Variants in PAQR4 observed in about 807,000 individuals in gnomAD.
PAQR4 encodes the protein progestin and adipoQ receptor family member 4, also known as progestin and adipoQ receptor family member IV.
In PAQR4, 26 loss-of-function variants were observed where a neutral mutation model predicts 20.9. That is an observed-to-expected ratio of 1.24 (90% confidence interval 0.91 to 1.73). PAQR4 has a LOEUF of 1.73. Ranked by LOEUF, PAQR4 falls within the 40% of genes most tolerant of loss-of-function variation. The pLI, the probability that PAQR4 is intolerant of heterozygous loss-of-function variation, is 0.00. For synonymous variants in PAQR4, 193 were observed against 171.6 expected (o/e 1.12, Z -0.97); for missense variants, 400 against 380.1 (o/e 1.05, Z -0.44).
Position 2,973,481 on chromosome 16 carries a change from G to A in PAQR4, c.*1533G>A, listed in dbSNP as rs766130234. ...GATTTGAAATAAACTTTTAGTAAAT[G>A]TAAGCCTTTCTGGAACTTCTTGTCT... On this transcript the variant is annotated 3_prime_UTR_variant, in exon 3 of 3. Coordinates refer to ENST00000318782, the MANE Select transcript of PAQR4 (RefSeq NM_152341.5). 2 of 1,481,638 alleles carry A rather than the reference G, an allele frequency of 1.3e-6. No individual in the cohort carries two copies. The highest frequency in any genetic ancestry group is 2.5e-5 in the South Asian group (2 of 81,304). 91.8% of individuals were successfully genotyped at this position (1,481,638 alleles called of 1,614,324 possible). A position where few individuals can be genotyped will look rare whatever the true frequency, so the allele number is the denominator to read the frequency against.
Position 2,969,663 on chromosome 16 carries a change from G to T in PAQR4, c.-12G>T. 1 of 1,516,982 alleles carries T rather than the reference G, an allele frequency of 6.6e-7. No individual in the cohort carries two copies. The allele number at this position is 1,516,982 out of a possible 1,614,324, so 94.0% of individuals were successfully genotyped here. ...GACAGCAGGAGCACGGGCTGCCCGC[G>T]CGGTGCGGACCATGGCGTTCCTGGC... On this transcript the variant is annotated 5_prime_UTR_variant, in exon 1 of 3. Coordinates refer to ENST00000318782, the MANE Select transcript of PAQR4 (RefSeq NM_152341.5).
rs1342420799 is a variant in PAQR4 at position 2,971,390 on chromosome 16, C to CCCAAGGGATGGG, written c.388+13_388+24dup. On this transcript the variant is annotated intron_variant, in intron 2 of 2. Transcript: ENST00000318782. Reference sequence around the variant, plus strand: ...TGTCAACACCCTTGGTGAGTCAGGGCCCAAGGGATGGGAGCTGGAGCCACC... The same window carrying CCCAAGGGATGGG: ...TGTCAACACCCTTGGTGAGTCAGGGCCCAAGGGATGGGCCAAGGGATGGGAGCTGGAGCCACC... 1 of 1,604,140 alleles carries CCCAAGGGATGGG rather than the reference C, an allele frequency of 6.2e-7. No homozygotes were observed. The highest frequency in any genetic ancestry group is 1.3e-5 in the African/African-American group (1 of 75,016).
chr16:2,972,475 G>T lies in PAQR4; in HGVS notation c.*527G>T. 1.3e-6 allele frequency: 1 copy of T among 758,856 alleles called. No homozygotes were observed. The highest frequency in any genetic ancestry group is 2.1e-6 in the Non-Finnish European group (1 of 481,586). 47.0% of individuals were successfully genotyped at this position (758,856 alleles called of 1,614,324 possible). A position where few individuals can be genotyped will look rare whatever the true frequency, so the allele number is the denominator to read the frequency against. ...TTCAGGACAAAAGGACCAAGGGGGC[G>T]TGGACCCGTCTTGTACCAGCTGGCC... On this transcript the variant is annotated 3_prime_UTR_variant, in exon 3 of 3. Transcript: ENST00000318782.
Position 2,972,315 on chromosome 16 carries a change from C to T in PAQR4, c.*367C>T, listed in dbSNP as rs2072017873. On this transcript the variant is annotated 3_prime_UTR_variant, in exon 3 of 3. Transcript: ENST00000318782. ...GGCCGCCAGCCCAGAGCCTCCTCAC[C>T]CTATCCTGTTCCTCCCACCAGGCCT... is the stretch of plus-strand genomic sequence containing the variant. 3.9e-6 allele frequency: 2 copies of T among 517,690 alleles called. No homozygotes were observed. Among genetic ancestry groups the T allele is most frequent in the Non-Finnish European group, 6.9e-6 (2 of 291,640 alleles). The allele number at this position is 517,690 out of a possible 1,614,324, so 32.1% of individuals were successfully genotyped here. A position where few individuals can be genotyped will look rare whatever the true frequency, so the allele number is the denominator to read the frequency against.
intron 1 of PAQR4, 167 bp downstream of exon 1, chr16:2,970,007 T>G (rs2071937796): frequency 1.0e-6 from 1 of 953,410 alleles, no homozygotes; most frequent in Non-Finnish European, 1.5e-6. Flanking sequence ...CGGGCCGCGC[T>G]GCCAGCTTCC....
chr16:2,972,404 C>T lies in PAQR4; in HGVS notation c.*456C>T, dbSNP rs2072020644. 1.8e-6 allele frequency: 1 copy of T among 562,516 alleles called. No individual in the cohort carries two copies. The highest frequency in any genetic ancestry group is 3.0e-5 in the East Asian group (1 of 33,488). 34.8% of individuals were successfully genotyped at this position (562,516 alleles called of 1,614,324 possible). A position where few individuals can be genotyped will look rare whatever the true frequency, so the allele number is the denominator to read the frequency against. On this transcript the variant is annotated 3_prime_UTR_variant, in exon 3 of 3. Transcript: ENST00000318782. ...TACCAGCCCTCCCAGCAGCCACAAGCTTGCCCGCCCTGGCTCCCTCTGCCC... is the reference window on the plus strand; with the variant it reads ...TACCAGCCCTCCCAGCAGCCACAAGTTTGCCCGCCCTGGCTCCCTCTGCCC...
At position 2,972,093 on chromosome 16, in the gene PAQR4, T is replaced by C; in HGVS notation, c.*145T>C. ...GGAGCCCTGTTCACCCGTTCTTCCC[T>C]GTGGACTGACCTCTTCCACCCACGC... On this transcript the variant is annotated 3_prime_UTR_variant, in exon 3 of 3. Coordinates refer to ENST00000318782, the MANE Select transcript of PAQR4 (RefSeq NM_152341.5). 2 of 837,520 alleles carry C rather than the reference T, an allele frequency of 2.4e-6. No individual in the cohort carries two copies. The highest frequency in any genetic ancestry group is 1.8e-6 in the Non-Finnish European group (1 of 558,118). The allele number at this position is 837,520 out of a possible 1,614,324, so 51.9% of individuals were successfully genotyped here. A position where few individuals can be genotyped will look rare whatever the true frequency, so the allele number is the denominator to read the frequency against.
rs995863758 is a variant in PAQR4, at chr16:2,973,317, C to T, written c.*1369C>T. The T allele has an allele frequency of 1.8e-5, 28 of 1,517,560 alleles. No homozygotes were observed. The Admixed American group carries it at 4.8e-4, about 26-fold the overall frequency. 94.0% of individuals were successfully genotyped at this position (1,517,560 alleles called of 1,614,324 possible). A position where few individuals can be genotyped will look rare whatever the true frequency, so the allele number is the denominator to read the frequency against. On this transcript the variant is annotated 3_prime_UTR_variant, in exon 3 of 3. Coordinates refer to ENST00000318782, the MANE Select transcript of PAQR4 (RefSeq NM_152341.5). ...AGGCTCCAGGCTCCCGCCTGACAAA[C>T]AGGCAGGGAGCCACAGTCAGGGACA...
rs376908274 is a variant in PAQR4 at position 2,971,222 on chromosome 16, G to T, written c.232G>T (p.Asp78Tyr). Residue 78 changes from aspartate to tyrosine, a missense_variant, in exon 2 of 3, where the codon GAT becomes TAT. By Grantham distance (160) the Asp-to-Tyr change is radical. Coordinates refer to ENST00000318782, the MANE Select transcript of PAQR4 (RefSeq NM_152341.5). ...MTMPWGQLGKDGWLGGTHCVA... is the reference protein window; with the variant it reads ...MTMPWGQLGKYGWLGGTHCVA... ...CATGCCCTGGGGTCAGCTGGGCAAG[G>T]ATGGCTGGCTGGGAGGCACACATTG... The T allele has an allele frequency of 5.5e-5, 88 of 1,613,378 alleles. 1 individual carries two copies. The East Asian group carries it at 8.7e-4, about 16-fold the overall frequency.
Position 2,971,562 on chromosome 16 carries a change from C to G in PAQR4, c.436C>G (p.Arg146Gly). Residue 146 changes from arginine to glycine, a missense_variant, in exon 3 of 3, where the codon CGC becomes GGC. Physicochemically the swap from Arg to Gly is moderately radical, Grantham distance 125. Transcript: ENST00000318782. ...CACCCTGGCCTGCAGGCCCTGGCTG[C>G]GCCCGGCTGCCCTGGTGGGCTACAC... ...HCTLACRPWL[R>G]PAALVGYTVL... 6.3e-7 allele frequency: 1 copy of G among 1,596,364 alleles called. No homozygotes were observed. The highest frequency in any genetic ancestry group is 8.5e-7 in the Non-Finnish European group (1 of 1,177,110).
rs1363024545 is a variant in PAQR4, at chr16:2,972,642, T to A, written c.*694T>A. 2.2e-5 allele frequency: 34 copies of A among 1,535,568 alleles called. No homozygotes were observed. In the Admixed American group the frequency reaches 6.7e-4, roughly 30 times the overall value. On this transcript the variant is annotated 3_prime_UTR_variant, in exon 3 of 3. Transcript: ENST00000318782. ...ACAGCTCCAGGTACCCACCGGGGGA[T>A]GTGCCTGCTCAGGAAACCTCTTTGC...
chr16:2,971,133 G>C (rs1433062336), intron 1 of PAQR4, 24 bp from the exon 2 acceptor site: 3 of 1,608,776 alleles, frequency 1.9e-6, no homozygotes, highest in African/African-American at 2.7e-5. Flanking sequence ...AAACTATCTG[G>C]TAGATGACTG....
In PAQR4 at chr16:2,972,348, G is replaced by A. The variant is rs1452581806; in HGVS notation, c.*400G>A. On this transcript the variant is annotated 3_prime_UTR_variant, in exon 3 of 3. Coordinates refer to ENST00000318782, the MANE Select transcript of PAQR4 (RefSeq NM_152341.5). ...GTTCCTCCCACCAGGCCTGTGGCCAGTCTTCCTGATCTCCATCTTTCTGCC... is the reference window on the plus strand; with the variant it reads ...GTTCCTCCCACCAGGCCTGTGGCCAATCTTCCTGATCTCCATCTTTCTGCC... 1.9e-6 allele frequency: 1 copy of A among 527,812 alleles called. No homozygotes were observed. The highest frequency in any genetic ancestry group is 3.2e-5 in the East Asian group (1 of 31,518). The allele number at this position is 527,812 out of a possible 1,614,324, so 32.7% of individuals were successfully genotyped here. A position where few individuals can be genotyped will look rare whatever the true frequency, so the allele number is the denominator to read the frequency against.
rs776186871 is a variant in PAQR4 at position 2,971,731 on chromosome 16, C to A, written c.605C>A (p.Ser202Tyr). 1 of 1,612,540 alleles carries A rather than the reference C, an allele frequency of 6.2e-7. No individual in the cohort carries two copies. The highest frequency in any genetic ancestry group is 8.5e-7 in the Non-Finnish European group (1 of 1,179,754). ...GVGLGSGAPG[S>Y]LPCYLRMDAL... is the part of the protein sequence containing the mutation. ...GGTCTGGGTTCAGGGGCTCCAGGCT[C>A]CCTGCCCTGCTACCTGCGCATGGAC... Residue 202 changes from serine (S) to tyrosine (Y), a missense_variant, in exon 3 of 3, where the codon TCC (serine) becomes TAC (tyrosine). Coordinates refer to ENST00000318782, the MANE Select transcript of PAQR4 (RefSeq NM_152341.5).
chr16:2,971,130 C>G (rs1441442623), intron 1 of PAQR4, 27 bp from the exon 2 acceptor site: 4 of 1,606,482 alleles, frequency 2.5e-6, no homozygotes, highest in Non-Finnish European at 3.4e-6. Context: ...CTGAAACTAT[C>G]TGGTAGATGA....
In PAQR4 at chr16:2,972,097, G is replaced by A; in HGVS notation, c.*149G>A. The A allele has an allele frequency of 1.2e-6, 1 of 801,262 alleles. No homozygotes were observed. Among genetic ancestry groups the A allele is most frequent in the Non-Finnish European group, 1.9e-6 (1 of 526,866 alleles). 49.6% of individuals were successfully genotyped at this position (801,262 alleles called of 1,614,324 possible). A position where few individuals can be genotyped will look rare whatever the true frequency, so the allele number is the denominator to read the frequency against. ...CCCTGTTCACCCGTTCTTCCCTGTG[G>A]ACTGACCTCTTCCACCCACGCCGTG... On this transcript the variant is annotated 3_prime_UTR_variant, in exon 3 of 3. Transcript: ENST00000318782.
chr16:2,972,060 T>C lies in PAQR4; in HGVS notation c.*112T>C. ...TTGGATGCTTCCAGCTCATGAGATGTCTCAGCAGGAGCCCTGTTCACCCGT... is the reference window on the plus strand; with the variant it reads ...TTGGATGCTTCCAGCTCATGAGATGCCTCAGCAGGAGCCCTGTTCACCCGT... On this transcript the variant is annotated 3_prime_UTR_variant, in exon 3 of 3. Coordinates refer to ENST00000318782, the MANE Select transcript of PAQR4 (RefSeq NM_152341.5). 1 of 1,099,140 alleles carries C rather than the reference T, an allele frequency of 9.1e-7. No individual in the cohort carries two copies. The highest frequency in any genetic ancestry group is 1.3e-6 in the Non-Finnish European group (1 of 791,898). The allele number at this position is 1,099,140 out of a possible 1,614,324, so 68.1% of individuals were successfully genotyped here. A position where few individuals can be genotyped will look rare whatever the true frequency, so the allele number is the denominator to read the frequency against.
rs866156525 is a variant in PAQR4 at position 2,972,119 on chromosome 16, C to T, written c.*171C>T. 1.1e-4 allele frequency: 71 copies of T among 649,592 alleles called. No individual in the cohort carries two copies. The Admixed American group carries it at 1.4e-3, about 13-fold the overall frequency. 40.2% of individuals were successfully genotyped at this position (649,592 alleles called of 1,614,324 possible). On this transcript the variant is annotated 3_prime_UTR_variant, in exon 3 of 3. Transcript: ENST00000318782. ...GTGGACTGACCTCTTCCACCCACGC[C>T]GTGGCGCTCCAACTTCCTTCCCTGC...
Position 2,971,302 on chromosome 16 carries a change from C to A in PAQR4, c.312C>A (p.Cys104Ter), listed in dbSNP as rs774606230. 1 of 1,612,786 alleles carries A rather than the reference C, an allele frequency of 6.2e-7. No homozygotes were observed. Among genetic ancestry groups the A allele is most frequent in the South Asian group, 1.1e-5 (1 of 91,092 alleles). ...AGSVLYHLFM[C>*]HQGGSAVYAR... ...CCGTGCTCTATCACCTCTTTATGTG[C>A]CACCAAGGGGGCAGCGCTGTGTACG... The change falls in exon 2 of 3, where the codon TGC becomes TGA. Residue 104 changes from cysteine to a stop codon, truncating the protein, a stop_gained. Coordinates refer to ENST00000318782, the MANE Select transcript of PAQR4 (RefSeq NM_152341.5). LOFTEE classifies it high-confidence loss of function.
Sources: allele counts gnomAD v4.1 joint callset, GRCh38; gene constraint gnomAD v4.1.1; transcripts MANE v1.5; gene names NCBI Gene and HGNC (gene_info 2026-07-23, HGNC 2026-07-21).